CSMD2: variants seen among roughly 807,000 people sequenced by gnomAD.
The protein encoded by CSMD2 is CUB and Sushi multiple domains 2, also known as CUB and sushi domain-containing protein 2.
CSMD2 carries 130 observed loss-of-function variants against 398.5 expected under a neutral mutation model. The observed-to-expected ratio is 0.33, with a 90% confidence interval of 0.28 to 0.38. CSMD2 has a LOEUF of 0.38. Among genes scored for constraint, CSMD2 ranks in the 10% least tolerant of loss-of-function variants. The probability of loss-of-function intolerance (pLI) is 1.00; values close to 1 mark genes in which losing one functional copy is unlikely to be tolerated. For missense variants in CSMD2, 3,829 were observed against 4,764.9 expected (o/e 0.80, Z 5.78); for synonymous variants, 1,828 against 1,908.5 (o/e 0.96, Z 1.10).
chr1:33,712,806 G>A (rs1473562944), intron 21 of CSMD2, among the ~76,000 whole-genome samples: 1 of 152,236 alleles, frequency 6.6e-6, no homozygotes, highest in South Asian at 2.1e-4. Context: ...GGTGGGTGGC[G>A]GGGTTCTATG....
chr1:34,077,535 G>A (rs1022802841), intron 2 of CSMD2, among the ~76,000 whole-genome samples: 1 of 145,668 alleles, frequency 6.9e-6, no homozygotes, highest in Non-Finnish European at 1.5e-5. Flanking sequence ...AAGAGATCGA[G>A]ACCATCCTGG....
chr1:33,686,981 G>A (rs74846547), intron 25 of CSMD2, among the ~76,000 whole-genome samples: 3,303 of 152,250 alleles, frequency 0.022, 107 homozygotes, highest in African/African-American at 0.073. Flanking sequence ...CACATTCTAG[G>A]TGCTTTATAT....
At position 33,792,532 on chromosome 1, in the gene CSMD2, G is replaced by C; in HGVS notation, c.1447-6C>G. The stretch of plus-strand genomic sequence containing the variant: ...TCAAAGGCGAGCTTGATCACCTAGG[G>C]AGGGAACACAGGGTTAGGAGCAGGC... On this transcript the variant is annotated splice_region_variant and splice_polypyrimidine_tract_variant and intron_variant, in intron 10 of 70. Coordinates refer to ENST00000373381, the MANE Select transcript of CSMD2 (RefSeq NM_001281956.2). The C allele has an allele frequency of 1.2e-6, 2 of 1,603,232 alleles. No homozygotes were observed. Among genetic ancestry groups the C allele is most frequent in the South Asian group, 2.2e-5 (2 of 90,834 alleles).
intron 1 of CSMD2, among the ~76,000 whole-genome samples, chr1:34,093,882 C>T (rs1258844319): frequency 2.6e-5 from 4 of 151,890 alleles, no homozygotes; most frequent in African/African-American, 4.8e-5. Flanking sequence ...GGCAGGCCAA[C>T]GTTCAGATTC....
chr1:33,557,659 C>CACACAT, intron 55 of CSMD2, 75 bp downstream of exon 55: 1 of 1,220,552 alleles, frequency 8.2e-7, no homozygotes, highest in Non-Finnish European at 1.1e-6. Context: ...CACACACACA[C>CACACAT]ATGCACAGAG....
At chr1:33,901,765 A>T (rs992589466) in intron 5 of CSMD2, among the ~76,000 whole-genome samples, 1 of 152,252 alleles carries the variant, frequency 6.6e-6, no homozygotes, top group Non-Finnish European at 1.5e-5. Context: ...GAAATAAATA[A>T]ATAAAGTTTA....
At chr1:33,830,855 G>C (rs1197166319) in intron 6 of CSMD2, among the ~76,000 whole-genome samples, 1 of 152,224 alleles carries the variant, frequency 6.6e-6, no homozygotes, top group Non-Finnish European at 1.5e-5. Context: ...CGAGAACTAC[G>C]TGAAGAGTGC....
At chr1:33,573,509 G>GA (rs1045011316) in intron 49 of CSMD2, among the ~76,000 whole-genome samples, 29 of 131,516 alleles carry the variant, frequency 2.2e-4, no homozygotes, top group Non-Finnish European at 2.6e-4. Context: ...TGCTCTGAAG[G>GA]AAAAAAAAAC....
intron 13 of CSMD2, among the ~76,000 whole-genome samples, chr1:33,764,192 T>C (rs1650191330): frequency 1.3e-5 from 2 of 152,172 alleles, no homozygotes; most frequent in African/African-American, 4.8e-5. Flanking sequence ...TTGTACATTC[T>C]GAGAGGCAAC....
chr1:33,870,115 A>G (rs1387911238), intron 5 of CSMD2: 1 of 152,328 alleles, frequency 6.6e-6, no homozygotes, highest in African/African-American at 2.4e-5. Context: ...ATAGGAAGTC[A>G]GGTCTGTGGA....
chr1:34,081,583 T>C (rs971295393), intron 2 of CSMD2, among the ~76,000 whole-genome samples: 3 of 152,236 alleles, frequency 2.0e-5, no homozygotes, highest in South Asian at 2.1e-4. Context: ...CACGCCTGAC[T>C]GGTTTTTGTA....
rs566210727 is a variant in CSMD2 at position 33,838,100 on chromosome 1, C to T, written c.1033+8784G>A. 2.3e-3 allele frequency among the ~76,000 whole-genome samples: 344 copies of T among 152,322 alleles called. 4 individuals are homozygous for T. The highest frequency in any genetic ancestry group is 0.019 in the South Asian group (92 of 4,824). On this transcript the variant is annotated intron_variant, in intron 6 of 70. Transcript: ENST00000373381. The stretch of plus-strand genomic sequence containing the variant: ...GTCAAGAAGTGGAGGGAATCTGCAT[C>T]TTCTTTTCTTCCCAATGGATTCAGA...
At chr1:33,943,925 TACACACACACACAC>T (rs57400434) in intron 3 of CSMD2, among the ~76,000 whole-genome samples, 17 of 144,312 alleles carry the variant, frequency 1.2e-4, no homozygotes, top group African/African-American at 3.1e-4. Flanking sequence ...TAATCAGAAT[TACACACACACACAC>T]ACACACACAC....
intron 3 of CSMD2, among the ~76,000 whole-genome samples, chr1:33,967,784 A>G (rs1381050881): frequency 1.3e-5 from 2 of 152,210 alleles, no homozygotes; most frequent in East Asian, 1.9e-4. Flanking sequence ...TTTTATTTGC[A>G]CTTTCTGACC....
At chr1:33,779,542 G>A (rs1319769303) in intron 12 of CSMD2, among the ~76,000 whole-genome samples, 4 of 152,190 alleles carry the variant, frequency 2.6e-5, no homozygotes, top group African/African-American at 9.7e-5. Flanking sequence ...TGTTTGCAGA[G>A]CCCAGCCGCC....
intron 3 of CSMD2, among the ~76,000 whole-genome samples, chr1:33,992,975 T>C (rs963081980): frequency 6.6e-6 from 1 of 151,952 alleles, no homozygotes; most frequent in African/African-American, 2.4e-5. Context: ...TAAAGACATA[T>C]GACATGAAAA....
intron 5 of CSMD2, among the ~76,000 whole-genome samples, chr1:33,867,460 C>T (rs1258076218): frequency 1.3e-5 from 2 of 152,230 alleles, no homozygotes; most frequent in African/African-American, 2.4e-5. Context: ...CCTGACCCCA[C>T]AGAAACTGTA....
chr1:33,920,914 A>T (rs1643914703), intron 4 of CSMD2, among the ~76,000 whole-genome samples: 1 of 152,196 alleles, frequency 6.6e-6, no homozygotes, highest in Admixed American at 6.5e-5. Context: ...AGCATACATC[A>T]GCTGAGGGTG....
chr1:33,537,625 G>T lies in CSMD2; in HGVS notation c.9632-16C>A. Reference sequence around the variant, plus strand: ...CAGAACACAGCTGGGAAGACGAAGGGAGAAAGGCAGGTCTAAGTTGCTTTC... The same window carrying T: ...CAGAACACAGCTGGGAAGACGAAGGTAGAAAGGCAGGTCTAAGTTGCTTTC... On this transcript the variant is annotated splice_polypyrimidine_tract_variant and intron_variant, in intron 60 of 70. Transcript: ENST00000373381. The surrounding 1 kb of genome is among the most constrained non-coding windows in gnomAD (Gnocchi z 4.6). 6.2e-7 allele frequency: 1 copy of T among 1,602,636 alleles called. No homozygotes were observed. Among genetic ancestry groups the T allele is most frequent in the Non-Finnish European group, 8.5e-7 (1 of 1,173,384 alleles).
Sources: allele counts gnomAD v4.1 joint callset (sites outside exome capture counted in the v4.1 genomes callset), GRCh38; gene constraint gnomAD v4.1.1; non-coding constraint Gnocchi (gnomAD v3.1); transcripts MANE v1.5; gene names NCBI Gene and HGNC (gene_info 2026-07-23, HGNC 2026-07-21).